Variants in MSANTD7 observed in about 807,000 individuals in gnomAD.
The protein encoded by MSANTD7 is zinc finger and SCAN domain containing 29.
the MSANTD7 span, among the ~76,000 whole-genome samples, chr10:14,840,700 C>T: frequency 2.6e-5 from 4 of 152,194 alleles, no homozygotes; most frequent in East Asian, 7.7e-4. Flanking sequence ...AAGATTAAAA[C>T]AGGCTTGCTT....
At chr10:14,845,113 C>T in the MSANTD7 span, 5 of 985,284 alleles carry the variant, frequency 5.1e-6, no homozygotes, top group African/African-American at 8.7e-5. Context: ...ACAGATGAGC[C>T]TCCTCCACAC....
the MSANTD7 span, chr10:14,842,429 C>T: frequency 1.3e-6 from 2 of 1,536,166 alleles, no homozygotes; most frequent in Non-Finnish European, 8.7e-7. This position sits in a 1 kb window ranked among gnomAD's most constrained non-coding sequence, Gnocchi z 5.2. Flanking sequence ...TGTGTCTAAG[C>T]GAATGCAGCA....
the MSANTD7 span, among the ~76,000 whole-genome samples, chr10:14,840,658 T>A: frequency 6.6e-6 from 1 of 152,240 alleles, no homozygotes; most frequent in Non-Finnish European, 1.5e-5. Flanking sequence ...TATGTAAGAA[T>A]CAGATTAATC....
At chr10:14,842,489 C>T in the MSANTD7 span, 4 of 1,536,038 alleles carry the variant, frequency 2.6e-6, no homozygotes, top group African/African-American at 2.7e-5. The surrounding 1 kb of genome is among the most constrained non-coding windows in gnomAD (Gnocchi z 5.2). Context: ...GTTTAAAGTT[C>T]TGAAGGCATT....
the MSANTD7 span, chr10:14,845,176 C>G: frequency 1.0e-6 from 1 of 985,446 alleles, no homozygotes; most frequent in Non-Finnish European, 1.2e-6. Flanking sequence ...TTCCGATTTA[C>G]TCTAGAAGGG....
At chr10:14,842,883 G>A in the MSANTD7 span, 2 of 1,378,366 alleles carry the variant, frequency 1.5e-6, no homozygotes, top group African/African-American at 2.9e-5. The surrounding 1 kb of genome is among the most constrained non-coding windows in gnomAD (Gnocchi z 5.2). Flanking sequence ...GGGTCCCAGA[G>A]TCTTGTGGCT....
the MSANTD7 span, chr10:14,842,566 T>TA: frequency 6.5e-7 from 1 of 1,536,130 alleles, no homozygotes; most frequent in South Asian, 1.2e-5. The surrounding 1 kb of genome is among the most constrained non-coding windows in gnomAD (Gnocchi z 5.2). Context: ...CATTTTATGA[T>TA]ACGTTGGATC....
chr10:14,846,643 A>G, the MSANTD7 span: 1 of 946,316 alleles, frequency 1.1e-6, no homozygotes, highest in Non-Finnish European at 1.3e-6. Flanking sequence ...AAAGTGGGAA[A>G]CTCATAATTG....
the MSANTD7 span, chr10:14,846,407 A>G: frequency 3.0e-6 from 3 of 985,330 alleles, no homozygotes; most frequent in Non-Finnish European, 2.4e-6. Context: ...GTGAAATTCA[A>G]TGGGTAAAGT....
At chr10:14,842,826 G>T in the MSANTD7 span, 1 of 1,534,392 alleles carries the variant, frequency 6.5e-7, no homozygotes, top group South Asian at 1.2e-5. The surrounding 1 kb of genome is among the most constrained non-coding windows in gnomAD (Gnocchi z 5.2). Context: ...GAGGACTCCT[G>T]GGATGAATCC....
the MSANTD7 span, chr10:14,838,429 C>T: frequency 6.2e-7 from 1 of 1,606,570 alleles, no homozygotes. Context: ...TTCACCTGGG[C>T]TGCACCTCAG....
the MSANTD7 span, chr10:14,842,309 G>A: frequency 6.5e-7 from 1 of 1,535,946 alleles, no homozygotes; most frequent in Non-Finnish European, 8.7e-7. The surrounding 1 kb of genome is among the most constrained non-coding windows in gnomAD (Gnocchi z 5.2). Flanking sequence ...TAGCAGTGCG[G>A]GCATCCGGTG....
chr10:14,842,052 C>G, the MSANTD7 span: 2 of 1,017,998 alleles, frequency 2.0e-6, no homozygotes, highest in Non-Finnish European at 2.9e-6. The surrounding 1 kb of genome is among the most constrained non-coding windows in gnomAD (Gnocchi z 5.2). Context: ...TTATGACCTA[C>G]TCACAGGTAG....
chr10:14,845,247 T>C, the MSANTD7 span: 2 of 985,176 alleles, frequency 2.0e-6, no homozygotes, highest in Middle Eastern at 5.2e-4. Context: ...TTAGTACTTT[T>C]AGGAATACAA....
the MSANTD7 span, chr10:14,845,990 A>G: frequency 1.1e-6 from 1 of 934,758 alleles, no homozygotes; most frequent in East Asian, 1.2e-4. Flanking sequence ...CGAAATTTTA[A>G]TTGTAATATT....
At chr10:14,846,663 C>A in the MSANTD7 span, 1 of 939,344 alleles carries the variant, frequency 1.1e-6, no homozygotes, top group Non-Finnish European at 1.3e-6. Context: ...GTCCTACCTA[C>A]CTCACAGGGG....
chr10:14,846,450 G>T, the MSANTD7 span: 3 of 985,272 alleles, frequency 3.0e-6, no homozygotes, highest in Non-Finnish European at 3.6e-6. Flanking sequence ...TCAAGGGAAA[G>T]GTCTTGAATA....
the MSANTD7 span, chr10:14,844,226 G>A: frequency 1.8e-6 from 2 of 1,103,338 alleles, no homozygotes; most frequent in African/African-American, 1.7e-5. Flanking sequence ...AATAACTCCT[G>A]CCCTGCCTAC....
the MSANTD7 span, chr10:14,838,476 C>G: frequency 6.3e-7 from 1 of 1,595,626 alleles, no homozygotes; most frequent in Admixed American, 1.7e-5. Context: ...GGCTGCGGAG[C>G]TGGGCTAGGG....
Sources: gnomAD v4.1 joint callset for allele counts (sites outside exome capture counted in the v4.1 genomes callset) on GRCh38, gnomAD v4.1.1 for gene constraint, Gnocchi (gnomAD v3.1) non-coding constraint, MANE v1.5 for transcripts, NCBI Gene and HGNC (gene_info 2026-07-23, HGNC 2026-07-21) for gene names.